DIO1: variants seen among roughly 807,000 people sequenced by gnomAD.
The protein encoded by DIO1 is iodothyronine deiodinase 1.
Under a neutral mutation model 25.9 loss-of-function variants are expected in DIO1, and 17 were observed. The observed-to-expected ratio is 0.66, with a 90% CI of 0.45 to 0.98. The LOEUF is 0.98. Among genes scored for constraint, DIO1 ranks in the 50% least tolerant of loss-of-function variants. The pLI is 0.00. For synonymous variants in DIO1, 115 were observed against 114.0 expected (o/e 1.01, Z -0.05); for missense variants, 270 against 310.4 (o/e 0.87, Z 0.98).
chr1:53,900,242 A>C (rs1451404398), intron 1 of DIO1, among the ~76,000 whole-genome samples: 1 of 152,212 alleles, frequency 6.6e-6, no homozygotes, highest in African/African-American at 2.4e-5. Context: ...TAACAAATGC[A>C]TGGGACCTAT....
intron 1 of DIO1, among the ~76,000 whole-genome samples, chr1:53,901,815 G>C (rs545116107): frequency 6.6e-6 from 1 of 151,136 alleles, no homozygotes; most frequent in South Asian, 2.1e-4. Flanking sequence ...GAGCCCAGAA[G>C]TTCAAGGCTG....
chr1:53,907,236 C>T (rs1651700354), intron 3 of DIO1, among the ~76,000 whole-genome samples: 1 of 152,124 alleles, frequency 6.6e-6, no homozygotes, highest in Non-Finnish European at 1.5e-5. Flanking sequence ...CTCAAAAGTT[C>T]CAGCCTGGTC....
At position 53,906,304 on chromosome 1, in the gene DIO1, TG is replaced by T. The variant is rs761505024; in HGVS notation, c.681+14del. 4 of 1,604,350 alleles carry T rather than the reference TG, an allele frequency of 2.5e-6. No homozygotes were observed. Among genetic ancestry groups the T allele is most frequent in the Non-Finnish European group, 3.4e-6 (4 of 1,173,736 alleles). The stretch of plus-strand genomic sequence containing the variant: ...CAGGATCCTCTACAAGGTGGTGACC[TG>T]GGGACAGGGGGCCCAGGGAGGGCAA... On this transcript the variant is annotated intron_variant, in intron 3 of 3. Transcript: ENST00000361921.
intron 1 of DIO1, among the ~76,000 whole-genome samples, chr1:53,897,574 C>A (rs1171650776): frequency 6.6e-6 from 1 of 152,186 alleles, no homozygotes; most frequent in Non-Finnish European, 1.5e-5. Flanking sequence ...TAGGAGTGAC[C>A]AGTTGCAGTG....
chr1:53,905,178 T>C (rs1651589091), intron 2 of DIO1, among the ~76,000 whole-genome samples: 1 of 148,372 alleles, frequency 6.7e-6, no homozygotes, highest in South Asian at 2.1e-4. Flanking sequence ...TTTTTTTTTT[T>C]TTTTTTTTGA....
At chr1:53,896,634 ATGCAATTTCATG>A (rs560695642) in intron 1 of DIO1, among the ~76,000 whole-genome samples, 185 of 152,260 alleles carry the variant, frequency 1.2e-3, no homozygotes, top group African/African-American at 4.0e-3. Context: ...TCCCCCTCCT[ATGCAATTTCATG>A]TGCAATTTCA....
intron 3 of DIO1, among the ~76,000 whole-genome samples, 166 bp from the exon 4 acceptor site, chr1:53,909,765 C>A (rs1292669105): frequency 6.6e-6 from 1 of 152,220 alleles, no homozygotes; most frequent in East Asian, 1.9e-4. Context: ...ACTGTACACA[C>A]TTTCTCAACC....
intron 1 of DIO1, among the ~76,000 whole-genome samples, chr1:53,900,843 C>A (rs1258861881): frequency 6.6e-6 from 1 of 152,056 alleles, no homozygotes; most frequent in Non-Finnish European, 1.5e-5. Context: ...GAGACAGGGT[C>A]TCATTCTGTG....
Position 53,909,927 on chromosome 1 carries a change from G to T in DIO1, c.682-4G>T, listed in dbSNP as rs1441433461. The T allele has an allele frequency of 6.2e-7, 1 of 1,613,998 alleles. No homozygotes were observed. The highest frequency in any genetic ancestry group is 2.2e-5 in the East Asian group (1 of 44,900). ...TGGGAATGCCTGATTCGTTTCTCTT[G>T]CAGGGTAAATCTGGCCCTTGGAACT... On this transcript the variant is annotated splice_region_variant and splice_polypyrimidine_tract_variant and intron_variant, in intron 3 of 3. Coordinates refer to ENST00000361921, the MANE Select transcript of DIO1 (RefSeq NM_000792.7).
intron 1 of DIO1, among the ~76,000 whole-genome samples, chr1:53,899,101 A>T (rs1378981622): frequency 6.6e-6 from 1 of 152,098 alleles, no homozygotes; most frequent in East Asian, 1.9e-4. Flanking sequence ...CACAATATAC[A>T]CACACTCTTG....
intron 1 of DIO1, among the ~76,000 whole-genome samples, chr1:53,895,584 C>T (rs1207247351): frequency 6.6e-6 from 1 of 152,192 alleles, no homozygotes; most frequent in African/African-American, 2.4e-5. Flanking sequence ...CTTGCCCACT[C>T]AGCCAGCCCA....
intron 1 of DIO1, among the ~76,000 whole-genome samples, chr1:53,898,481 A>G (rs1038899169): frequency 3.3e-5 from 5 of 152,280 alleles, no homozygotes; most frequent in South Asian, 2.1e-4. Context: ...ATGGTGGCTC[A>G]CACCTGTAAT....
rs762836102 is a variant in DIO1 at position 53,906,187 on chromosome 1, C to T, written c.574C>T (p.Pro192Ser). 6.2e-7 allele frequency: 1 copy of T among 1,614,208 alleles called. No individual in the cohort carries two copies. The highest frequency in any genetic ancestry group is 8.5e-7 in the Non-Finnish European group (1 of 1,180,050). Residue 192 changes from proline to serine, a missense_variant, in exon 3 of 4, where the codon CCC becomes TCC. By Grantham distance (74) the Pro-to-Ser change is moderately conservative. Coordinates refer to ENST00000361921, the MANE Select transcript of DIO1 (RefSeq NM_000792.7). Reference sequence around the variant, plus strand: ...AGCCCATCTACTGCTGGCCAGGAGCCCCCAGTGCCCTGTGGTGGTGGACAC... The same window carrying T: ...AGCCCATCTACTGCTGGCCAGGAGCTCCCAGTGCCCTGTGGTGGTGGACAC... The part of the protein sequence containing the change: ...QAAHLLLARS[P>S]QCPVVVDTMQ...
intron 3 of DIO1, among the ~76,000 whole-genome samples, chr1:53,906,521 C>T (rs542700408): frequency 3.9e-5 from 6 of 152,334 alleles, no homozygotes; most frequent in South Asian, 2.1e-4. Flanking sequence ...ATAATGCACA[C>T]GAATGTCCCT....
At chr1:53,895,658 C>A (rs1651034980) in intron 1 of DIO1, among the ~76,000 whole-genome samples, 1 of 152,182 alleles carries the variant, frequency 6.6e-6, no homozygotes, top group African/African-American at 2.4e-5. Context: ...CTTTCAGCAG[C>A]TCCCCTCTGC....
chr1:53,896,287 G>C (rs939056572), intron 1 of DIO1, among the ~76,000 whole-genome samples: 1 of 135,674 alleles, frequency 7.4e-6, no homozygotes, highest in African/African-American at 2.8e-5. Flanking sequence ...GTATGATCAC[G>C]ACTCACTGCA....
At chr1:53,908,295 A>G (rs1379839681) in intron 3 of DIO1, among the ~76,000 whole-genome samples, 2 of 152,204 alleles carry the variant, frequency 1.3e-5, no homozygotes, top group African/African-American at 2.4e-5. Flanking sequence ...GATAAGGAAG[A>G]CCCAAGTAAG....
intron 1 of DIO1, among the ~76,000 whole-genome samples, chr1:53,897,495 T>TATAAAATAAAATAAA (rs10635354): frequency 6.6e-6 from 1 of 151,254 alleles, no homozygotes; most frequent in Non-Finnish European, 1.5e-5. Context: ...TAAAATAAAA[T>TATAAAATAAAATAAA]ATAAAATAAA....
At chr1:53,909,782 C>T (rs1479031085) in intron 3 of DIO1, 149 bp from the exon 4 acceptor site, 8 of 711,834 alleles carry the variant, frequency 1.1e-5, no homozygotes, top group South Asian at 4.9e-5. Context: ...AACCACCTCA[C>T]GGTTGCATCT....
Sources: allele counts gnomAD v4.1 joint callset (sites outside exome capture counted in the v4.1 genomes callset), GRCh38; gene constraint gnomAD v4.1.1; transcripts MANE v1.5; gene names NCBI Gene and HGNC (gene_info 2026-07-23, HGNC 2026-07-21).